The following TOM1L1 variants were observed in gnomAD, a reference collection of about 807,000 sequenced individuals.
The protein encoded by TOM1L1 is TOM1-like protein 1.
Under a neutral mutation model 63.4 loss-of-function variants are expected in TOM1L1, and 64 were observed. The observed-to-expected ratio is 1.01, with a 90% CI of 0.83 to 1.24. The LOEUF (loss-of-function observed/expected upper bound fraction) is 1.24. Ranked by LOEUF, TOM1L1 falls within the 50% of genes most tolerant of loss-of-function variation. The pLI is 0.00. For synonymous variants in TOM1L1, 166 were observed against 194.4 expected, an observed-to-expected ratio of 0.85 and a Z score of 1.22; for missense variants, 536 against 567.0, an observed-to-expected ratio of 0.95 and a Z score of 0.55.
At chr17:54,906,506 A>G (rs756119039) in intron 3 of TOM1L1, among the ~76,000 whole-genome samples, 5 of 151,748 alleles carry the variant, frequency 3.3e-5, no homozygotes, top group African/African-American at 1.2e-4. Context: ...TTGTGCATGT[A>G]TTAATTAACC....
intron 2 of TOM1L1, among the ~76,000 whole-genome samples, chr17:54,904,220 A>AG (rs1460718384): frequency 2.0e-5 from 3 of 152,054 alleles, no homozygotes. Flanking sequence ...TACAAAAAAA[A>AG]TTAGCCAGGC....
intron 10 of TOM1L1, 172 bp downstream of exon 10, chr17:54,937,398 A>G (rs1191588984): frequency 1.6e-6 from 1 of 606,238 alleles, no homozygotes; most frequent in Non-Finnish European, 2.9e-6. Flanking sequence ...CAAACCCAGT[A>G]TAGCAATGGG....
intron 14 of TOM1L1, 40 bp downstream of exon 14, chr17:54,950,166 G>C: frequency 1.3e-6 from 2 of 1,528,062 alleles, no homozygotes; most frequent in Non-Finnish European, 1.8e-6. Flanking sequence ...TTTTTGTCTT[G>C]GTTCCCTTTG....
At chr17:54,905,760 GCA>G (rs2143732188) in intron 3 of TOM1L1, among the ~76,000 whole-genome samples, 193 bp downstream of exon 3, 1 of 152,248 alleles carries the variant, frequency 6.6e-6, no homozygotes, top group South Asian at 2.1e-4. Context: ...GTTTATAATA[GCA>G]TTTAATAGCA....
chr17:54,941,882 C>T (rs1020063090), intron 11 of TOM1L1, among the ~76,000 whole-genome samples: 2 of 152,112 alleles, frequency 1.3e-5, no homozygotes, highest in African/African-American at 4.8e-5. Flanking sequence ...AACATCTATA[C>T]CAAGATTCGA....
chr17:54,960,586 A>G lies in TOM1L1; in HGVS notation c.1391A>G (p.Asp464Gly), dbSNP rs751759102. Residue 464 changes from aspartate to glycine, a missense_variant, in exon 15 of 16, where the codon GAT (aspartate) becomes GGT (glycine). Transcript: ENST00000575882. ...TTCAGAGCTATTTATGAAGAAATTG[A>G]TGCTCACCAGCACAAAGGAGCTCAA... The part of the protein sequence containing the change: ...VTTEAIYEEI[D>G]AHQHKGAQND... The G allele has an allele frequency of 6.2e-7, 1 of 1,613,272 alleles. No homozygotes were observed. Among genetic ancestry groups the G allele is most frequent in the South Asian group, 1.1e-5 (1 of 91,036 alleles).
intron 7 of TOM1L1, among the ~76,000 whole-genome samples, chr17:54,918,781 C>A (rs983801840): frequency 6.6e-6 from 1 of 152,174 alleles, no homozygotes; most frequent in African/African-American, 2.4e-5. Flanking sequence ...CAATTGTCTA[C>A]TGTATTTCTC....
chr17:54,901,580 A>C (rs1567816766), intron 1 of TOM1L1, among the ~76,000 whole-genome samples: 1 of 152,024 alleles, frequency 6.6e-6, no homozygotes, highest in Non-Finnish European at 1.5e-5. Flanking sequence ...TGCATGATGT[A>C]TGTAGAAGCC....
chr17:54,915,665 G>A, intron 6 of TOM1L1, 81 bp from the exon 7 acceptor site: 1 of 957,566 alleles, frequency 1.0e-6, no homozygotes, highest in Non-Finnish European at 1.5e-6. Flanking sequence ...TTTTCATCCA[G>A]CAAATGTCCC....
chr17:54,953,753 T>C (rs2049351572), intron 14 of TOM1L1: 1 of 152,180 alleles, frequency 6.6e-6, no homozygotes, highest in South Asian at 2.1e-4. Flanking sequence ...ATCTCTTTAC[T>C]ATAGACCTTA....
intron 11 of TOM1L1, among the ~76,000 whole-genome samples, chr17:54,946,171 C>T (rs904120929): frequency 1.3e-5 from 2 of 152,104 alleles, no homozygotes; most frequent in Admixed American, 6.5e-5. Context: ...TCTAAGGTGG[C>T]AGGTTGTTTG....
chr17:54,929,808 CTTCTGGGTT>C (rs1439995009), intron 7 of TOM1L1, among the ~76,000 whole-genome samples: 2 of 151,154 alleles, frequency 1.3e-5, no homozygotes, highest in African/African-American at 4.9e-5. Context: ...CCATACAACA[CTTCTGGGTT>C]TTAGTCCAGT....
intron 7 of TOM1L1, among the ~76,000 whole-genome samples, chr17:54,918,177 C>G (rs2048623348): frequency 6.6e-6 from 1 of 152,212 alleles, no homozygotes; most frequent in Admixed American, 6.5e-5. Context: ...GTGCTGTCCT[C>G]TAATTTAAGA....
rs1322414107 is a variant in TOM1L1, at chr17:54,961,858, C to CT, written c.*630dup. 14 of 954,342 alleles carry CT rather than the reference C, an allele frequency of 1.5e-5. No homozygotes were observed. The highest frequency in any genetic ancestry group is 1.7e-5 in the Non-Finnish European group (14 of 801,840). 59.1% of individuals were successfully genotyped at this position (954,342 alleles called of 1,614,324 possible). A position where few individuals can be genotyped will look rare whatever the true frequency, so the allele number is the denominator to read the frequency against. The stretch of plus-strand genomic sequence containing the variant: ...GTAATGCTAAATAGCCTTTTTTTCT[C>CT]TTTTTACTGCAACTTAATATTTCTA... On this transcript the variant is annotated 3_prime_UTR_variant, in exon 16 of 16. Coordinates refer to ENST00000575882, the MANE Select transcript of TOM1L1 (RefSeq NM_005486.3).
intron 7 of TOM1L1, among the ~76,000 whole-genome samples, chr17:54,918,513 A>G (rs902029777): frequency 2.6e-5 from 4 of 152,202 alleles, no homozygotes; most frequent in African/African-American, 9.7e-5. Context: ...GCTGACCTGT[A>G]CAAGTAATGG....
In TOM1L1 at chr17:54,924,977, T is replaced by C. The variant is rs1284861426; in HGVS notation, c.721-5096T>C. Among the ~76,000 whole-genome samples the C allele has an allele frequency of 2.0e-5, 3 of 152,184 alleles. No homozygotes were observed. In the East Asian group the frequency reaches 5.8e-4, roughly 29 times the overall value. ...TAATTCAGGGTTGTCTTCTAGAGGC[T>C]ATTCTCGAGGCTATTCTCGTCCCTT... is the stretch of plus-strand genomic sequence containing the variant. On this transcript the variant is annotated intron_variant, in intron 7 of 15. Transcript: ENST00000575882.
chr17:54,903,097 A>C (rs1020137609), intron 1 of TOM1L1, among the ~76,000 whole-genome samples: 3 of 152,228 alleles, frequency 2.0e-5, no homozygotes, highest in African/African-American at 7.2e-5. Context: ...TAGGACAATA[A>C]ACGTATTACT....
chr17:54,938,944 G>C lies in TOM1L1; in HGVS notation c.1054G>C (p.Asp352His). Residue 352 changes from aspartate (D) to histidine (H), a missense_variant, in exon 11 of 16, where the codon GAT becomes CAT. By Grantham distance (81) the Asp-to-His change is moderately conservative. Transcript: ENST00000575882. The stretch of plus-strand genomic sequence containing the variant: ...TTTAGATTTCAGCCTTCCAAGTTCT[G>C]ATGTAACAAACAACTTAAAACCCAG... ...SGLNFSLPSS[D>H]VTNNLKPSLH... 6.2e-7 allele frequency: 1 copy of C among 1,609,306 alleles called. No individual in the cohort carries two copies. The highest frequency in any genetic ancestry group is 8.5e-7 in the Non-Finnish European group (1 of 1,177,976).
intron 14 of TOM1L1, among the ~76,000 whole-genome samples, chr17:54,955,691 C>G (rs549700274): frequency 6.6e-6 from 1 of 152,042 alleles, no homozygotes; most frequent in Admixed American, 6.5e-5. Flanking sequence ...GTCTCTCAGT[C>G]TCCCAGACCT....
Sources: gnomAD v4.1 joint callset for allele counts (sites outside exome capture counted in the v4.1 genomes callset) on GRCh38, gnomAD v4.1.1 for gene constraint, MANE v1.5 for transcripts, NCBI Gene and HGNC (gene_info 2026-07-23, HGNC 2026-07-21) for gene names.